The following GAS5 variants were observed in gnomAD, a reference collection of about 807,000 sequenced individuals.
The protein encoded by GAS5 is growth arrest specific 5 (non-protein coding).
chr1:173,867,511 CAAAAAAG>C (rs920025813), upstream of GAS5: 7 of 373,720 alleles, frequency 1.9e-5, no homozygotes, highest in Non-Finnish European at 3.8e-5. Flanking sequence ...GGCTCGGTCT[CAAAAAAG>C]AAAAAAGAAA....
chr1:173,867,146 G>C (rs1572029808), upstream of GAS5: 2 of 593,496 alleles, frequency 3.4e-6, no homozygotes, highest in South Asian at 4.2e-5. Flanking sequence ...AATGATGCAG[G>C]TAACATACCA....
chr1:173,866,471 G>A, intron 3 of GAS5: 2 of 640,586 alleles, frequency 3.1e-6, no homozygotes, highest in Non-Finnish European at 5.9e-6. Flanking sequence ...AATCATCATT[G>A]CTTTGGCTAT....
chr1:173,867,372 C>T (rs868733980), upstream of GAS5: 86 of 374,712 alleles, frequency 2.3e-4, no homozygotes, highest in African/African-American at 1.6e-3. Context: ...ATATAAAAGC[C>T]TAGCATGGTG....
intron 6 of GAS5, chr1:173,865,266 A>T (rs1261096941): frequency 2.6e-6 from 1 of 391,588 alleles, no homozygotes; most frequent in Non-Finnish European, 5.0e-6. Flanking sequence ...CAGTGTAGTC[A>T]AGCCGACTCT....
upstream of GAS5, chr1:173,867,721 C>T (rs1164252337): frequency 3.9e-6 from 2 of 519,160 alleles, no homozygotes; most frequent in Admixed American, 1.9e-5. Flanking sequence ...GATGTCCCTA[C>T]CAACACAGGC....
upstream of GAS5, chr1:173,867,528 A>G (rs887148194): frequency 5.1e-6 from 2 of 393,500 alleles, no homozygotes; most frequent in Admixed American, 3.1e-5. Flanking sequence ...GAAAAAAGAA[A>G]CACTAATGGA....
intron 4 of GAS5, chr1:173,866,128 G>T (rs183737539): frequency 1.0e-5 from 5 of 494,758 alleles, no homozygotes; most frequent in African/African-American, 5.9e-5. Context: ...CATTTGTGCC[G>T]TAGGAAGTTT....
At chr1:173,864,044 C>CCA (rs1413772237) in intron 7 of GAS5, 1 of 404,232 alleles carries the variant, frequency 2.5e-6, no homozygotes, top group East Asian at 7.0e-5. Flanking sequence ...GCTTCAAAGG[C>CCA]CACTGCACTC....
chr1:173,866,931 C>T (rs1654795346), intron 1 of GAS5: 3 of 765,502 alleles, frequency 3.9e-6, no homozygotes, highest in Non-Finnish European at 7.2e-6. Flanking sequence ...CTTAAAGCAT[C>T]ACAGGCTGAG....
intron 7 of GAS5, chr1:173,864,186 G>GA (rs746779615): frequency 4.6e-5 from 24 of 518,486 alleles, no homozygotes; most frequent in Non-Finnish European, 9.3e-5. Context: ...TAATCAGTGA[G>GA]AGAGTTCAAG....
At position 173,864,011 on chromosome 1, in the gene GAS5, C is replaced by T. The variant is rs560617703; in HGVS notation, n.324+246G>A. The T allele has an allele frequency of 3.3e-4, 115 of 348,958 alleles. 1 individual carries two copies. Among genetic ancestry groups the T allele is most frequent in the African/African-American group, 2.3e-3 (108 of 47,194 alleles). 21.6% of individuals were successfully genotyped at this position (348,958 alleles called of 1,614,324 possible). ...CTGGGAGGCTGAGGATCACTTGAGCCCAGAAGTTTGAGGCTGTAGTAAGCT... is the reference window on the plus strand; with the variant it reads ...CTGGGAGGCTGAGGATCACTTGAGCTCAGAAGTTTGAGGCTGTAGTAAGCT... On this transcript the variant is annotated intron_variant and non_coding_transcript_variant, in intron 7 of 7. Transcript: ENST00000651080.
chr1:173,867,408 T>C (rs76126859), upstream of GAS5: 9 of 350,080 alleles, frequency 2.6e-5, no homozygotes, highest in South Asian at 9.5e-5. Flanking sequence ...CCCAGTTACT[T>C]GGGAGGCTGA....
upstream of GAS5, chr1:173,868,749 C>T (rs902058622): frequency 3.3e-5 from 5 of 153,220 alleles, no homozygotes; most frequent in Admixed American, 2.6e-4. Flanking sequence ...CTTCCTAGTT[C>T]TCACCTGAGC....
chr1:173,867,272 T>A, upstream of GAS5: 1 of 501,984 alleles, frequency 2.0e-6, no homozygotes, highest in Admixed American at 3.7e-5. Context: ...GTAATCCCAG[T>A]ATGTTGGGGG....
rs758719891 is a variant in GAS5 at position 173,866,759 on chromosome 1, A to T, written n.91+2T>A. 26 of 765,470 alleles carry T rather than the reference A, an allele frequency of 3.4e-5. No individual in the cohort carries two copies. In the Admixed American group the frequency reaches 4.4e-4, roughly 13 times the overall value. The allele number at this position is 765,470 out of a possible 1,614,324, so 47.4% of individuals were successfully genotyped here. On this transcript the variant is annotated splice_donor_variant and non_coding_transcript_variant, in intron 2 of 7. Transcript: ENST00000651080. ...CTTTTTGAGAGGGAATTTTCAACTT[A>T]CTTCAGTAGCTATTCTCATCCTTCC...
chr1:173,864,362 G>A (rs1418143983), intron 6 of GAS5: 2 of 518,938 alleles, frequency 3.9e-6, no homozygotes, highest in South Asian at 2.8e-5. Context: ...ATGCTTGTTA[G>A]TAGAGTAACC....
At chr1:173,865,320 T>C (rs760572932) in intron 6 of GAS5, 7 of 480,630 alleles carry the variant, frequency 1.5e-5, no homozygotes, top group Non-Finnish European at 2.9e-5. Context: ...TAGGTAGTAA[T>C]AGGTGGATTT....
upstream of GAS5, chr1:173,867,101 G>A: frequency 1.6e-6 from 1 of 619,836 alleles, no homozygotes; most frequent in South Asian, 1.9e-5. Context: ...TTTTTAAAGA[G>A]TGTTCTTTAA....
rs185035640 is a variant in GAS5 at position 173,866,725 on chromosome 1, G to T, written n.91+36C>A. 2.1e-5 allele frequency: 16 copies of T among 765,428 alleles called. No individual in the cohort carries two copies. In the East Asian group the frequency reaches 2.7e-4, roughly 13 times the overall value. 47.4% of individuals were successfully genotyped at this position (765,428 alleles called of 1,614,324 possible). ...TGTCATCATTGTGGCACATCCAATG[G>T]CTTTAAACCTTTTTGAGAGGGAATT... On this transcript the variant is annotated intron_variant and non_coding_transcript_variant, in intron 2 of 7. Coordinates refer to ENST00000651080, the Ensembl canonical transcript of GAS5.
Sources: gnomAD v4.1 joint callset for allele counts on GRCh38, gnomAD v4.1.1 for gene constraint, MANE v1.5 for transcripts, NCBI Gene and HGNC (gene_info 2026-07-23, HGNC 2026-07-21) for gene names.